The following RIC1 variants were observed in gnomAD, a reference collection of about 807,000 sequenced individuals.
RIC1 encodes the protein RIC1 partner of RAB6A GEF complex.
In RIC1, 88 loss-of-function variants were observed where a neutral mutation model predicts 169.0. The observed-to-expected ratio is 0.52, with a 90% CI of 0.44 to 0.62. RIC1 has a LOEUF of 0.62. Among genes scored for constraint, RIC1 ranks in the 20% least tolerant of loss-of-function variants. RIC1 has a pLI of 0.00. For missense variants in RIC1, 1,877 were observed against 1,725.5 expected (o/e 1.09, Z -1.56); for synonymous variants, 790 against 601.5 (o/e 1.31, Z -4.59).
intron 13 of RIC1, 136 bp from the exon 14 acceptor site, chr9:5,753,398 CTG>C: frequency 1.2e-6 from 1 of 818,876 alleles, no homozygotes. Flanking sequence ...TCAGATATAA[CTG>C]AATATTTGGA....
chr9:5,746,637 T>C (rs560496594), intron 11 of RIC1, among the ~76,000 whole-genome samples: 36 of 152,306 alleles, frequency 2.4e-4, no homozygotes, highest in African/African-American at 8.2e-4. Flanking sequence ...GTCTGAGGAC[T>C]TGCTTTTAGA....
intron 1 of RIC1, among the ~76,000 whole-genome samples, chr9:5,652,604 A>C (rs1336279111): frequency 6.6e-6 from 1 of 151,974 alleles, no homozygotes; most frequent in African/African-American, 2.4e-5. Flanking sequence ...TTTTGGTGGC[A>C]TCTTTAGGGT....
At chr9:5,644,557 A>G (rs1818410121) in intron 1 of RIC1, among the ~76,000 whole-genome samples, 3 of 152,146 alleles carry the variant, frequency 2.0e-5, no homozygotes, top group South Asian at 4.1e-4. Flanking sequence ...TGAGTCTGGT[A>G]TCTGTTATTC....
chr9:5,719,830 T>C (rs146146941), intron 4 of RIC1, among the ~76,000 whole-genome samples: 1 of 152,326 alleles, frequency 6.6e-6, no homozygotes, highest in Non-Finnish European at 1.5e-5. Context: ...CTCTAGATTG[T>C]CATACTGTTA....
intron 1 of RIC1, among the ~76,000 whole-genome samples, chr9:5,645,170 C>T (rs1196539781): frequency 6.6e-6 from 1 of 152,066 alleles, no homozygotes; most frequent in African/African-American, 2.4e-5. Context: ...CCTTCCACCC[C>T]AGCCTCCCTA....
intron 21 of RIC1, among the ~76,000 whole-genome samples, chr9:5,767,161 C>A (rs1204907931): frequency 2.0e-5 from 3 of 152,164 alleles, no homozygotes; most frequent in Non-Finnish European, 1.5e-5. Context: ...TTCTTAAAGT[C>A]GTAATTTTAC....
At chr9:5,750,078 A>AAGCAAGCACC (rs1374952700) in intron 12 of RIC1, among the ~76,000 whole-genome samples, 1 of 151,812 alleles carries the variant, frequency 6.6e-6, no homozygotes, top group Non-Finnish European at 1.5e-5. Flanking sequence ...CACCCAGCCA[A>AAGCAAGCACC]AGCAAGCACC....
intron 2 of RIC1, among the ~76,000 whole-genome samples, chr9:5,686,344 A>G (rs1821222140): frequency 6.6e-6 from 1 of 152,146 alleles, no homozygotes; most frequent in African/African-American, 2.4e-5. Flanking sequence ...TTATTGTGGC[A>G]CTATTCACAA....
At chr9:5,749,719 C>G (rs1240000744) in intron 12 of RIC1, among the ~76,000 whole-genome samples, 1 of 138,046 alleles carries the variant, frequency 7.2e-6, no homozygotes, top group Non-Finnish European at 1.5e-5. Flanking sequence ...AAAACAAATA[C>G]ATACTTGTCA....
At chr9:5,656,827 C>G (rs1216760402) in intron 2 of RIC1, 137 bp downstream of exon 2, 13 of 554,764 alleles carry the variant, frequency 2.3e-5, no homozygotes, top group Non-Finnish European at 4.2e-5. Context: ...AATTGCTTTA[C>G]TGATTATTCT....
chr9:5,771,922 TCA>T (rs1048618434), intron 23 of RIC1, among the ~76,000 whole-genome samples: 8 of 152,188 alleles, frequency 5.3e-5, no homozygotes, highest in Admixed American at 4.6e-4. Context: ...TATAAATATT[TCA>T]GTTTTTTTCC....
chr9:5,743,076 C>A, intron 9 of RIC1, 63 bp downstream of exon 9: 1 of 1,482,328 alleles, frequency 6.7e-7, no homozygotes, highest in Non-Finnish European at 9.2e-7. Flanking sequence ...TGCATGCATA[C>A]AAAAACCTTG....
In RIC1 at chr9:5,774,106, A is replaced by C; in HGVS notation, c.4132A>C (p.Arg1378=). The part of the protein sequence containing the change: ...EQTSPRAEES[R]GSSSHGSIPQ... The stretch of plus-strand genomic sequence containing the variant: ...GACTAGCCCCCGGGCAGAGGAGAGC[A>C]GGGGCTCCTCCAGCCATGGAAGCAT... The change falls in exon 26 of 26, where the codon AGG becomes CGG. Residue 1378 remains arginine (R), a synonymous_variant. Coordinates refer to ENST00000414202, the MANE Select transcript of RIC1 (RefSeq NM_020829.4). The C allele has an allele frequency of 6.2e-7, 1 of 1,614,106 alleles. No individual in the cohort carries two copies. The highest frequency in any genetic ancestry group is 8.5e-7 in the Non-Finnish European group (1 of 1,180,004).
At chr9:5,681,756 C>G (rs1820855460) in intron 2 of RIC1, among the ~76,000 whole-genome samples, 1 of 152,080 alleles carries the variant, frequency 6.6e-6, no homozygotes, top group South Asian at 2.1e-4. Flanking sequence ...TAAAGTCTCC[C>G]ATTATTATTG....
intron 2 of RIC1, among the ~76,000 whole-genome samples, chr9:5,661,484 T>A (rs1163759875): frequency 6.6e-6 from 1 of 152,194 alleles, no homozygotes; most frequent in Admixed American, 6.5e-5. Context: ...TGTTTTTCCA[T>A]TTGTTCGTGT....
chr9:5,719,414 C>G (rs1309435491), intron 4 of RIC1: 1 of 152,188 alleles, frequency 6.6e-6, no homozygotes, highest in Non-Finnish European at 1.5e-5. Flanking sequence ...TGCTATGTAA[C>G]TATTTTTGAT....
At chr9:5,721,269 C>T (rs952110194) in intron 6 of RIC1, among the ~76,000 whole-genome samples, 4 of 152,136 alleles carry the variant, frequency 2.6e-5, no homozygotes, top group African/African-American at 9.7e-5. Context: ...GAAGTTTTTG[C>T]TCCTTAGTTT....
chr9:5,765,380 A>G (rs1164200447), intron 19 of RIC1, 34 bp from the exon 20 acceptor site: 2 of 1,592,706 alleles, frequency 1.3e-6, no homozygotes, highest in Non-Finnish European at 1.7e-6. Context: ...ATTGTGTAGT[A>G]TAAAAAGAAT....
At chr9:5,730,289 C>G (rs36009946) in intron 6 of RIC1, among the ~76,000 whole-genome samples, 4,533 of 152,194 alleles carry the variant, frequency 0.03, 107 homozygotes, top group African/African-American at 0.054. Flanking sequence ...ATGCTTGAAG[C>G]CCTTAGAGAG....
Sources: allele counts gnomAD v4.1 joint callset (sites outside exome capture counted in the v4.1 genomes callset), GRCh38; gene constraint gnomAD v4.1.1; transcripts MANE v1.5; gene names NCBI Gene and HGNC (gene_info 2026-07-23, HGNC 2026-07-21).